The following CDH18 variants were observed in gnomAD, a reference collection of about 807,000 sequenced individuals.
CDH18 encodes the protein cadherin 18, also known as cadherin-18.
Under a neutral mutation model 67.9 loss-of-function variants are expected in CDH18, and 31 were observed. The ratio of observed to expected loss-of-function variants is 0.46; its 90% CI spans 0.34 to 0.62. The LOEUF is 0.62. CDH18 is among the 20% of genes least tolerant of loss of function. The probability of loss-of-function intolerance (pLI) is 0.01; values close to 1 mark genes in which losing one functional copy is unlikely to be tolerated. For synonymous variants in CDH18, 362 were observed against 347.2 expected (o/e 1.04, Z -0.48); for missense variants, 890 against 975.5 (o/e 0.91, Z 1.17).
chr5:20,034,571 T>C (rs988837895), intron 2 of CDH18, among the ~76,000 whole-genome samples: 1 of 152,012 alleles, frequency 6.6e-6, no homozygotes, highest in Non-Finnish European at 1.5e-5. Flanking sequence ...TTGGCCTCAT[T>C]CAATCCATCG....
chr5:19,531,873 A>G (rs1452264129), intron 9 of CDH18, among the ~76,000 whole-genome samples: 1 of 152,182 alleles, frequency 6.6e-6, no homozygotes, highest in East Asian at 1.9e-4. Flanking sequence ...CCTGAAAAGA[A>G]TGACTCAAAG....
intron 5 of CDH18, 67 bp downstream of exon 5, chr5:19,721,280 A>T (rs2150577778): frequency 7.0e-7 from 1 of 1,432,748 alleles, no homozygotes; most frequent in East Asian, 2.3e-5. Flanking sequence ...ATATGGAAAT[A>T]AAAACCATTG....
At chr5:20,101,604 A>C (rs1746473960) in intron 2 of CDH18, among the ~76,000 whole-genome samples, 1 of 152,188 alleles carries the variant, frequency 6.6e-6, no homozygotes, top group South Asian at 2.1e-4. Context: ...TACCAGCAAT[A>C]ATGACAATCG....
intron 3 of CDH18, among the ~76,000 whole-genome samples, chr5:19,826,822 A>C (rs987110715): frequency 7.3e-5 from 11 of 151,262 alleles, no homozygotes. Flanking sequence ...CAACTACACA[A>C]TCAAATCTGC....
chr5:19,907,230 A>AGAT (rs758310196), intron 2 of CDH18, among the ~76,000 whole-genome samples: 1 of 151,964 alleles, frequency 6.6e-6, no homozygotes, highest in Admixed American at 6.6e-5. Context: ...CCGTGTCTGT[A>AGAT]GATTGACAAA....
intron 6 of CDH18, among the ~76,000 whole-genome samples, chr5:19,610,042 G>A (rs1369949583): frequency 1.3e-5 from 2 of 152,054 alleles, no homozygotes; most frequent in Non-Finnish European, 2.9e-5. Context: ...CCAAACTGTT[G>A]CAAAAGCAGA....
intron 2 of CDH18, among the ~76,000 whole-genome samples, chr5:20,185,703 A>T (rs530041226): frequency 4.4e-4 from 67 of 152,152 alleles, no homozygotes; most frequent in African/African-American, 1.5e-3. Context: ...ACCTCCTGTG[A>T]CTTAACGTAA....
At chr5:20,266,154 C>T (rs1039954370) in intron 1 of CDH18, among the ~76,000 whole-genome samples, 3 of 152,132 alleles carry the variant, frequency 2.0e-5, no homozygotes, top group Non-Finnish European at 4.4e-5. Flanking sequence ...CTCCAACTTG[C>T]CAATGTTAGA....
chr5:20,472,285 T>C (rs1163017382), intron 1 of CDH18, among the ~76,000 whole-genome samples: 2 of 152,234 alleles, frequency 1.3e-5, no homozygotes, highest in African/African-American at 4.8e-5. Flanking sequence ...AATAGGTTTT[T>C]AAATTATTTG....
At chr5:19,478,419 G>T (rs569776999) in intron 12 of CDH18, 6 of 152,198 alleles carry the variant, frequency 3.9e-5, no homozygotes, top group African/African-American at 1.4e-4. Context: ...CTTGGGAGTG[G>T]CATCTCTCTC....
chr5:20,264,355 T>G (rs754890725), intron 1 of CDH18, among the ~76,000 whole-genome samples: 3 of 152,112 alleles, frequency 2.0e-5, no homozygotes, highest in Non-Finnish European at 4.4e-5. Flanking sequence ...ATGTAAATAT[T>G]AGCATAATTA....
chr5:19,740,374 T>C (rs1255917278), intron 4 of CDH18, among the ~76,000 whole-genome samples: 5 of 152,018 alleles, frequency 3.3e-5, no homozygotes, highest in African/African-American at 4.8e-5. Context: ...CTTCTAGATT[T>C]AAAACATTTA....
intron 1 of CDH18, among the ~76,000 whole-genome samples, chr5:20,368,507 T>C (rs1742701851): frequency 6.6e-6 from 1 of 152,208 alleles, no homozygotes; most frequent in Admixed American, 6.5e-5. Context: ...ATCTTTTAAA[T>C]GACACCATTG....
At position 19,502,414 on chromosome 5, in the gene CDH18, C is replaced by T. The variant is rs774975056; in HGVS notation, c.1630+578G>A. ...GACATCTAAATAATGAAGAAACTTC[C>T]GTAGTTACTAAATTATGGGATTATT... On this transcript the variant is annotated intron_variant, in intron 11 of 12. Coordinates refer to ENST00000382275, the MANE Select transcript of CDH18 (RefSeq NM_004934.5). Among the ~76,000 whole-genome samples, 144 of 151,988 alleles carry T rather than the reference C, an allele frequency of 9.5e-4. 3 individuals are homozygous for T. Among genetic ancestry groups the T allele is most frequent in the East Asian group, 1.9e-4 (1 of 5,178 alleles).
intron 2 of CDH18, among the ~76,000 whole-genome samples, chr5:19,899,960 A>G (rs1445939887): frequency 1.3e-5 from 2 of 152,122 alleles, no homozygotes; most frequent in African/African-American, 2.4e-5. Context: ...TTACTCTTCA[A>G]TAAGTACAAA....
intron 2 of CDH18, among the ~76,000 whole-genome samples, chr5:20,002,399 C>A (rs1165752887): frequency 6.6e-6 from 1 of 152,124 alleles, no homozygotes; most frequent in Non-Finnish European, 1.5e-5. Flanking sequence ...TGGTTCATTG[C>A]CTTTAATAAG....
chr5:19,820,117 A>G (rs534649002), intron 3 of CDH18, among the ~76,000 whole-genome samples: 6 of 152,106 alleles, frequency 3.9e-5, no homozygotes, highest in African/African-American at 1.4e-4. Flanking sequence ...ATGAGCCCCT[A>G]CTCTCAGAAC....
chr5:20,461,265 T>C (rs2150223926), intron 1 of CDH18, among the ~76,000 whole-genome samples: 1 of 152,326 alleles, frequency 6.6e-6, no homozygotes, highest in African/African-American at 2.4e-5. Flanking sequence ...CTGCCTTCTG[T>C]AACTCCTGTT....
At chr5:20,056,480 T>TG (rs1741973055) in intron 2 of CDH18, among the ~76,000 whole-genome samples, 2 of 61,128 alleles carry the variant, frequency 3.3e-5, no homozygotes, top group African/African-American at 1.5e-4. Flanking sequence ...TTTCTTTTGT[T>TG]TTTTTTTTTT....
Sources: allele counts gnomAD v4.1 joint callset (sites outside exome capture counted in the v4.1 genomes callset), GRCh38; gene constraint gnomAD v4.1.1; transcripts MANE v1.5; gene names NCBI Gene and HGNC (gene_info 2026-07-23, HGNC 2026-07-21).